The following NECAB1 variants were observed in gnomAD, a reference collection of about 807,000 sequenced individuals.
NECAB1 encodes N-terminal EF-hand calcium-binding protein 1.
In NECAB1, 29 loss-of-function variants were observed where a neutral mutation model predicts 57.5. The observed-to-expected ratio is 0.50, with a 90% CI of 0.38 to 0.69. NECAB1 has a LOEUF of 0.69. Among genes scored for constraint, NECAB1 ranks in the 30% least tolerant of loss-of-function variants. The pLI is 0.00. For missense variants in NECAB1, 372 were observed against 413.8 expected, an observed-to-expected ratio of 0.90 and a Z score of 0.88; for synonymous variants, 142 against 147.7, an observed-to-expected ratio of 0.96 and a Z score of 0.28.
rs540229796 is a variant in NECAB1, at chr8:90,941,021, T to C, written c.860+123T>C. The C allele has an allele frequency of 2.2e-4, 159 of 711,762 alleles. 5 individuals are homozygous for C. The South Asian group carries it at 2.5e-3, about 11-fold the overall frequency. 44.1% of individuals were successfully genotyped at this position (711,762 alleles called of 1,614,324 possible). On this transcript the variant is annotated intron_variant, in intron 10 of 12. Coordinates refer to ENST00000417640, the MANE Select transcript of NECAB1 (RefSeq NM_022351.5). The stretch of plus-strand genomic sequence containing the variant: ...ATATTTGAGAATCCTCACATTAAAT[T>C]ATACAGAGCATTCCACCTGGGTGAT...
intron 6 of NECAB1, 72 bp from the exon 7 acceptor site, chr8:90,925,463 T>C (rs772100346): frequency 4.8e-5 from 74 of 1,546,824 alleles, no homozygotes; most frequent in Non-Finnish European, 6.5e-5. Flanking sequence ...GACTGACGCA[T>C]GAAGATCTCT....
intron 3 of NECAB1, among the ~76,000 whole-genome samples, chr8:90,835,691 G>A (rs184626134): frequency 1.3e-5 from 2 of 152,156 alleles, no homozygotes; most frequent in East Asian, 3.9e-4. Context: ...TGTTATGTTT[G>A]CTAATTGTTT....
chr8:90,920,050 A>G (rs1180657391), intron 6 of NECAB1, among the ~76,000 whole-genome samples: 1 of 152,188 alleles, frequency 6.6e-6, no homozygotes, highest in Non-Finnish European at 1.5e-5. Flanking sequence ...GCATGACAAT[A>G]TAGACTTTAA....
intron 5 of NECAB1, among the ~76,000 whole-genome samples, chr8:90,914,684 A>G (rs1055063873): frequency 2.0e-5 from 3 of 152,206 alleles, no homozygotes; most frequent in African/African-American, 7.2e-5. Flanking sequence ...GGTTAGCCTA[A>G]TCATAACTTT....
intron 4 of NECAB1, among the ~76,000 whole-genome samples, chr8:90,874,647 C>T (rs907854720): frequency 6.6e-6 from 1 of 152,072 alleles, no homozygotes; most frequent in Non-Finnish European, 1.5e-5. Flanking sequence ...TCCCCTTTTC[C>T]TTCATTTTAT....
rs1410856049 is a variant in NECAB1, at chr8:90,949,665, C to G, written c.861-142C>G. On this transcript the variant is annotated intron_variant, in intron 10 of 12. Transcript: ENST00000417640. ...TAGAATAAATAAATTCTTGACAAAT[C>G]TGTTTGATTTTCATGCAGGCACCTT... 18 of 463,912 alleles carry G rather than the reference C, an allele frequency of 3.9e-5. No individual in the cohort carries two copies. In the East Asian group the frequency reaches 5.8e-4, roughly 15 times the overall value. The allele number at this position is 463,912 out of a possible 1,614,324, so 28.7% of individuals were successfully genotyped here. A position where few individuals can be genotyped will look rare whatever the true frequency, so the allele number is the denominator to read the frequency against.
intron 2 of NECAB1, among the ~76,000 whole-genome samples, chr8:90,802,462 G>A (rs920986923): frequency 6.6e-6 from 1 of 152,052 alleles, no homozygotes; most frequent in African/African-American, 2.4e-5. Flanking sequence ...GTTTTGTTTT[G>A]TTTTTCTTTT....
intron 9 of NECAB1, among the ~76,000 whole-genome samples, chr8:90,939,687 A>G (rs1810623631): frequency 6.6e-6 from 1 of 152,212 alleles, no homozygotes; most frequent in African/African-American, 2.4e-5. Context: ...GGTAGAAATT[A>G]ACCCTACTTA....
At chr8:90,799,864 G>A (rs1406652500) in intron 1 of NECAB1, among the ~76,000 whole-genome samples, 1 of 152,088 alleles carries the variant, frequency 6.6e-6, no homozygotes, top group Non-Finnish European at 1.5e-5. Flanking sequence ...AGTTTGATAG[G>A]AATAGTATTG....
At chr8:90,840,977 G>C in intron 3 of NECAB1, among the ~76,000 whole-genome samples, 1 of 146,948 alleles carries the variant, frequency 6.8e-6, no homozygotes, top group African/African-American at 2.5e-5. Context: ...AGTGACCAAA[G>C]CCGGGCGCAG....
chr8:90,827,072 T>A (rs998360930), intron 3 of NECAB1, among the ~76,000 whole-genome samples: 1 of 152,028 alleles, frequency 6.6e-6, no homozygotes, highest in African/African-American at 2.4e-5. Flanking sequence ...TGAGATTAAT[T>A]CAAATGTTGG....
chr8:90,832,748 A>G (rs1254187568), intron 3 of NECAB1, among the ~76,000 whole-genome samples: 2 of 152,172 alleles, frequency 1.3e-5, no homozygotes, highest in African/African-American at 4.8e-5. Flanking sequence ...ATCTGATACA[A>G]AAAGTTAAAT....
At chr8:90,925,453 G>T in intron 6 of NECAB1, 82 bp from the exon 7 acceptor site, 2 of 1,508,194 alleles carry the variant, frequency 1.3e-6, no homozygotes, top group South Asian at 1.2e-5. Flanking sequence ...AAACCTTTAT[G>T]ACTGACGCAT....
chr8:90,928,933 A>G (rs1226489484), intron 8 of NECAB1, among the ~76,000 whole-genome samples: 1 of 152,114 alleles, frequency 6.6e-6, no homozygotes, highest in African/African-American at 2.4e-5. Context: ...CTCCTTAAAC[A>G]TCTTTGATAG....
chr8:90,938,122 A>G (rs1285790086), intron 9 of NECAB1, among the ~76,000 whole-genome samples: 1 of 152,206 alleles, frequency 6.6e-6, no homozygotes, highest in African/African-American at 2.4e-5. Context: ...ACATTTCTTG[A>G]AATGTTCCAA....
chr8:90,814,748 T>A (rs1812029055), intron 2 of NECAB1, among the ~76,000 whole-genome samples: 1 of 152,084 alleles, frequency 6.6e-6, no homozygotes. Flanking sequence ...TGCTTCAGGC[T>A]CATCTTTTAT....
intron 4 of NECAB1, among the ~76,000 whole-genome samples, chr8:90,872,956 A>G (rs1182616854): frequency 6.6e-5 from 10 of 152,192 alleles, no homozygotes; most frequent in Admixed American, 6.5e-4. Context: ...TTTCCTGAAC[A>G]TCTTCTAATT....
Position 90,805,531 on chromosome 8 carries a change from G to A in NECAB1, c.124+3816G>A, listed in dbSNP as rs534366993. On this transcript the variant is annotated intron_variant, in intron 2 of 12. Transcript: ENST00000417640. Reference sequence around the variant, plus strand: ...GGTTGGTTTTTTTTTTTAATCATAGGCTAGGATCCTAAACATAAAGATAGC... The same window carrying A: ...GGTTGGTTTTTTTTTTTAATCATAGACTAGGATCCTAAACATAAAGATAGC... Among the ~76,000 whole-genome samples the A allele has an allele frequency of 9.8e-4, 149 of 151,464 alleles. 1 individual carries two copies. The highest frequency in any genetic ancestry group is 3.5e-3 in the African/African-American group (143 of 41,366).
At chr8:90,906,889 A>ATGTATATATATATATATATGTATG (rs1370948313) in intron 5 of NECAB1, among the ~76,000 whole-genome samples, 1 of 72,856 alleles carries the variant, frequency 1.4e-5, no homozygotes, top group Admixed American at 1.9e-4. Flanking sequence ...ATATATATAT[A>ATGTATATATATATATATATGTATG]TATATATATA....
Sources: gnomAD v4.1 joint callset for allele counts (sites outside exome capture counted in the v4.1 genomes callset) on GRCh38, gnomAD v4.1.1 for gene constraint, MANE v1.5 for transcripts, NCBI Gene and HGNC (gene_info 2026-07-23, HGNC 2026-07-21) for gene names.